Variants in WHRN observed in about 807,000 individuals in gnomAD.
The protein encoded by WHRN is CASK-interacting protein CIP98.
WHRN carries 41 observed loss-of-function variants against 68.3 expected under a neutral mutation model. That is an observed-to-expected ratio of 0.60 (90% CI 0.47 to 0.78). The LOEUF (loss-of-function observed/expected upper bound fraction) is 0.78. Ranked by LOEUF, WHRN falls within the 30% of genes least tolerant of loss-of-function variation. The pLI is 0.00. For missense variants in WHRN, 1,243 were observed against 1,244.7 expected (o/e 1.00, Z 0.02); for synonymous variants, 560 against 561.3 (o/e 1.00, Z 0.03).
At chr9:114,429,219 C>T (rs1837183469) in intron 3 of WHRN, among the ~76,000 whole-genome samples, 1 of 152,240 alleles carries the variant, frequency 6.6e-6, no homozygotes, top group Non-Finnish European at 1.5e-5. Context: ...GCGTGAGCCA[C>T]CGCGCCCCGC....
chr9:114,433,665 G>T (rs2132497133), intron 3 of WHRN, among the ~76,000 whole-genome samples: 1 of 152,046 alleles, frequency 6.6e-6, no homozygotes, highest in African/African-American at 2.4e-5. Context: ...CAGTTCAAAA[G>T]TCAGTAAAGC....
chr9:114,480,772 G>T (rs1842040549), intron 1 of WHRN, among the ~76,000 whole-genome samples: 1 of 152,128 alleles, frequency 6.6e-6, no homozygotes, highest in Non-Finnish European at 1.5e-5. Context: ...ATGGAAATGT[G>T]ATATATTTTA....
At position 114,425,204 on chromosome 9, in the gene WHRN, C is replaced by T. The variant is rs547771895; in HGVS notation, c.1167-180G>A. ...AGGGGTAAAGGAAACTCCGGACAGA[C>T]TGGCAGCGTCCAGCCTCCCAATCAG... On this transcript the variant is annotated intron_variant, in intron 4 of 11. Transcript: ENST00000362057. 41 of 728,718 alleles carry T rather than the reference C, an allele frequency of 5.6e-5. No homozygotes were observed. The South Asian group carries it at 5.9e-4, about 11-fold the overall frequency. 45.1% of individuals were successfully genotyped at this position (728,718 alleles called of 1,614,324 possible).
chr9:114,481,373 T>C (rs1408056490), intron 1 of WHRN, among the ~76,000 whole-genome samples: 1 of 152,166 alleles, frequency 6.6e-6, no homozygotes, highest in Non-Finnish European at 1.5e-5. Flanking sequence ...CAGGGTAAGA[T>C]TTACAGTATT....
intron 3 of WHRN, 115 bp downstream of exon 3, chr9:114,466,152 C>G: frequency 6.5e-7 from 1 of 1,539,510 alleles, no homozygotes; most frequent in Non-Finnish European, 8.9e-7. Context: ...GGAGGGCTCC[C>G]CAGCTGGGAC....
In WHRN at chr9:114,406,377, C is replaced by T. The variant is rs1239197433; in HGVS notation, c.2214G>A (p.Val738=). The T allele has an allele frequency of 5.0e-6, 8 of 1,614,054 alleles. No homozygotes were observed. The African/African-American group carries it at 8.0e-5, about 16-fold the overall frequency. The change falls in exon 9 of 12, where the codon GTG becomes GTA. Residue 738 remains valine (V), a synonymous_variant. Coordinates refer to ENST00000362057, the MANE Select transcript of WHRN (RefSeq NM_015404.4). The part of the protein sequence containing the change: ...RPDSEPDVNE[V]RALPQTRTAS... ...CACTGCGCGTCTGGGGCAGCGCCCT[C>T]ACTTCATTGACGTCTGGCTCGCTGT...
At chr9:114,477,313 G>A (rs1841732519) in intron 2 of WHRN, among the ~76,000 whole-genome samples, 1 of 152,266 alleles carries the variant, frequency 6.6e-6, no homozygotes, top group Non-Finnish European at 1.5e-5. Context: ...CTGGCAGTCA[G>A]TGTCAAGGTC....
In WHRN at chr9:114,403,921, C is replaced by T; in HGVS notation, c.2393G>A (p.Arg798Lys). The T allele has an allele frequency of 6.2e-7, 1 of 1,611,250 alleles. No individual in the cohort carries two copies. Among genetic ancestry groups the T allele is most frequent in the Non-Finnish European group, 8.5e-7 (1 of 1,180,016 alleles). Residue 798 changes from arginine to lysine, a missense_variant, in exon 10 of 12, where the codon AGG becomes AAG. Arg to Lys is a conservative substitution (Grantham distance 26). Transcript: ENST00000362057. ...CGGTTTGTTGGCCCCATCTGTGGGC[C>T]TCTCGTTCCGAGGCAGCTCCTTGCT... ...RSSKELPRNERPTDGANKPPG... is the reference protein window; with the variant it reads ...RSSKELPRNEKPTDGANKPPG...
chr9:114,421,654 G>A (rs1041276410), intron 7 of WHRN, among the ~76,000 whole-genome samples: 5 of 152,228 alleles, frequency 3.3e-5, no homozygotes, highest in Non-Finnish European at 5.9e-5. Flanking sequence ...CATTATCAAG[G>A]CCAATCTCAG....
intron 3 of WHRN, among the ~76,000 whole-genome samples, chr9:114,454,918 C>T (rs1003785711): frequency 6.6e-6 from 1 of 152,150 alleles, no homozygotes; most frequent in African/African-American, 2.4e-5. Context: ...CAAATATACC[C>T]AAGTGATTTT....
At chr9:114,497,527 A>C (rs558437060) in intron 1 of WHRN, among the ~76,000 whole-genome samples, 2 of 151,784 alleles carry the variant, frequency 1.3e-5, no homozygotes, top group Non-Finnish European at 1.5e-5. Context: ...AAAAAAAAAA[A>C]GAAAAGGAAA....
chr9:114,469,419 C>T (rs981325969), intron 2 of WHRN, among the ~76,000 whole-genome samples: 4 of 152,230 alleles, frequency 2.6e-5, no homozygotes, highest in African/African-American at 4.8e-5. Flanking sequence ...CCACCCAGGA[C>T]GGGACACTGC....
chr9:114,438,412 A>C (rs1460763789), intron 3 of WHRN, among the ~76,000 whole-genome samples: 3 of 151,970 alleles, frequency 2.0e-5, no homozygotes, highest in Non-Finnish European at 4.4e-5. Context: ...GTGGGAATTC[A>C]GGATGGTCCA....
At chr9:114,439,140 G>A (rs1838151314) in intron 3 of WHRN, among the ~76,000 whole-genome samples, 2 of 152,222 alleles carry the variant, frequency 1.3e-5, no homozygotes, top group South Asian at 4.1e-4. Flanking sequence ...TTAAGGAGCA[G>A]GTGAGAATGG....
rs532935657 is a variant in WHRN at position 114,489,772 on chromosome 9, G to A, written c.619-11001C>T. 1.1e-3 allele frequency among the ~76,000 whole-genome samples: 169 copies of A among 152,326 alleles called. 1 individual carries two copies. Among genetic ancestry groups the A allele is most frequent in the Middle Eastern group, 3.4e-3 (1 of 294 alleles). ...AAATCTAAGCACATTTCTAGAATTA[G>A]ATACCTTTTCTATGCAGCTGGAGAT... On this transcript the variant is annotated intron_variant, in intron 1 of 11. Coordinates refer to ENST00000362057, the MANE Select transcript of WHRN (RefSeq NM_015404.4).
Position 114,504,866 on chromosome 9 carries a change from G to C in WHRN, c.-65C>G, listed in dbSNP as rs1293223735. The C allele has an allele frequency of 1.5e-5, 20 of 1,337,608 alleles. No individual in the cohort carries two copies. Among genetic ancestry groups the C allele is most frequent in the Non-Finnish European group, 1.9e-5 (20 of 1,053,760 alleles). The allele number at this position is 1,337,608 out of a possible 1,614,324, so 82.9% of individuals were successfully genotyped here. ...TGTGGGCGGTGCCGCTGTCCTCGCG[G>C]GTACTGGCGCGACAGCTGGATCCCC... On this transcript the variant is annotated 5_prime_UTR_variant, in exon 1 of 12. Coordinates refer to ENST00000362057, the MANE Select transcript of WHRN (RefSeq NM_015404.4).
In WHRN at chr9:114,403,946, T is replaced by C. The variant is rs919326256; in HGVS notation, c.2368A>G (p.Ser790Gly). 14 of 1,611,442 alleles carry C rather than the reference T, an allele frequency of 8.7e-6. No homozygotes were observed. In the South Asian group the frequency reaches 1.5e-4, roughly 18 times the overall value. ...RQSVSTKSRS[S>G]KELPRNERPT... is the part of the protein sequence containing the mutation. ...CTCTCGTTCCGAGGCAGCTCCTTGC[T>C]ACTCCTGCTCTTGGTGGACACCGAC... Residue 790 changes from serine to glycine, a missense_variant, in exon 10 of 12, where the codon AGC becomes GGC. Transcript: ENST00000362057.
intron 1 of WHRN, among the ~76,000 whole-genome samples, chr9:114,487,976 T>TGG (rs1300263667): frequency 2.6e-5 from 4 of 152,184 alleles, no homozygotes; most frequent in Non-Finnish European, 4.4e-5. Context: ...TCCAATCATC[T>TGG]GGGGGCTAAA....
intron 1 of WHRN, among the ~76,000 whole-genome samples, chr9:114,501,823 T>C (rs985368380): frequency 1.3e-5 from 2 of 152,226 alleles, no homozygotes; most frequent in Non-Finnish European, 1.5e-5. Context: ...CTCGCAGCAC[T>C]GCAGTTTACA....
Sources: gnomAD v4.1 joint callset for allele counts (sites outside exome capture counted in the v4.1 genomes callset) on GRCh38, gnomAD v4.1.1 for gene constraint, MANE v1.5 for transcripts, NCBI Gene and HGNC (gene_info 2026-07-23, HGNC 2026-07-21) for gene names.